GALNT14: variants seen among roughly 807,000 people sequenced by gnomAD.
GALNT14 encodes the protein UDP-GalNAc:polypeptide N-acetylgalactosaminyltransferase 14.
In GALNT14, 60 loss-of-function variants were observed where a neutral mutation model predicts 77.5. The observed-to-expected ratio is 0.77, with a 90% CI of 0.63 to 0.96. The LOEUF (loss-of-function observed/expected upper bound fraction) is 0.96, where lower values mean the gene tolerates loss of function less well. Among genes scored for constraint, GALNT14 ranks in the 40% least tolerant of loss-of-function variants. The probability of loss-of-function intolerance (pLI) is 0.00; values close to 1 mark genes in which losing one functional copy is unlikely to be tolerated. For missense variants in GALNT14, 710 were observed against 731.0 expected (o/e 0.97, Z 0.33); for synonymous variants, 280 against 281.7 (o/e 0.99, Z 0.06).
intron 9 of GALNT14, among the ~76,000 whole-genome samples, chr2:30,935,002 C>T (rs1665964363): frequency 6.6e-6 from 1 of 152,194 alleles, no homozygotes; most frequent in Non-Finnish European, 1.5e-5. Flanking sequence ...CTTCCTCCTT[C>T]TAATTTTCTT....
At position 31,038,747 on chromosome 2, in the gene GALNT14, A is replaced by T. The variant is rs979950970; in HGVS notation, c.130-45740T>A. Among the ~76,000 whole-genome samples the T allele has an allele frequency of 1.0e-4, 15 of 144,000 alleles. No individual in the cohort carries two copies. The East Asian group carries it at 2.5e-3, about 24-fold the overall frequency. The allele number at this position is 144,000 out of a possible 152,430, so 94.5% of individuals were successfully genotyped here. On this transcript the variant is annotated intron_variant, in intron 1 of 14. Coordinates refer to ENST00000349752, the MANE Select transcript of GALNT14 (RefSeq NM_024572.4). ...TCTTTATTCTTAGTGAGATTCAGCAATTTTTTTTTTTTTTTTGAGACAGAG... is the reference window on the plus strand; with the variant it reads ...TCTTTATTCTTAGTGAGATTCAGCATTTTTTTTTTTTTTTTTGAGACAGAG...
intron 10 of GALNT14, among the ~76,000 whole-genome samples, chr2:30,929,999 G>A (rs965061103): frequency 2.6e-5 from 4 of 152,248 alleles, no homozygotes; most frequent in African/African-American, 9.6e-5. Context: ...GTGGCATCAT[G>A]TGGGTGCTCA....
chr2:30,997,223 G>T (rs1383121219), intron 1 of GALNT14, among the ~76,000 whole-genome samples: 1 of 152,124 alleles, frequency 6.6e-6, no homozygotes, highest in Middle Eastern at 3.2e-3. Flanking sequence ...AAGACCCTGG[G>T]AGTTGGCTTC....
intron 1 of GALNT14, among the ~76,000 whole-genome samples, chr2:30,997,336 C>G (rs1050921649): frequency 2.6e-5 from 4 of 152,192 alleles, no homozygotes; most frequent in Non-Finnish European, 5.9e-5. Flanking sequence ...CACAGGACAC[C>G]AGCCTCCTCC....
chr2:30,994,689 G>A (rs377573023), intron 1 of GALNT14, among the ~76,000 whole-genome samples: 20 of 152,090 alleles, frequency 1.3e-4, no homozygotes, highest in African/African-American at 4.3e-4. Context: ...ATCACCCCAC[G>A]GTAACCTTGA....
intron 1 of GALNT14, among the ~76,000 whole-genome samples, chr2:31,037,247 A>G (rs918622648): frequency 6.6e-6 from 1 of 152,150 alleles, no homozygotes; most frequent in East Asian, 1.9e-4. Context: ...TCTTCTGTCA[A>G]TTTAAATCTG....
chr2:30,957,429 C>T (rs1667432676), intron 4 of GALNT14, among the ~76,000 whole-genome samples: 1 of 152,080 alleles, frequency 6.6e-6, no homozygotes, highest in South Asian at 2.1e-4. Flanking sequence ...TCCAGCAGCA[C>T]TCTCTTCTCT....
At chr2:31,100,132 T>C (rs757536694) in intron 1 of GALNT14, among the ~76,000 whole-genome samples, 7 of 152,064 alleles carry the variant, frequency 4.6e-5, no homozygotes, top group Non-Finnish European at 1.0e-4. Flanking sequence ...TTGTAAGTGA[T>C]GGCTCTTCCT....
intron 1 of GALNT14, among the ~76,000 whole-genome samples, chr2:31,077,240 A>G (rs17010685): frequency 0.032 from 4,875 of 152,296 alleles, 242 homozygotes; most frequent in East Asian, 0.25. Context: ...GAGTATTCCA[A>G]TGAAGGAGAG....
At chr2:31,025,432 G>A (rs1428263266) in intron 1 of GALNT14, among the ~76,000 whole-genome samples, 2 of 152,194 alleles carry the variant, frequency 1.3e-5, no homozygotes, top group Non-Finnish European at 2.9e-5. Flanking sequence ...TAGGGAGATG[G>A]ATGGGGAGAG....
the GALNT14 span, among the ~76,000 whole-genome samples, chr2:30,898,394 C>G: frequency 4.3e-4 from 66 of 152,284 alleles, no homozygotes; most frequent in African/African-American, 1.4e-3. Flanking sequence ...TTAATCCTCA[C>G]GATGAACTAC....
At chr2:31,069,799 C>G (rs1675227044) in intron 1 of GALNT14, among the ~76,000 whole-genome samples, 1 of 152,138 alleles carries the variant, frequency 6.6e-6, no homozygotes, top group African/African-American at 2.4e-5. Flanking sequence ...AATGACTGTC[C>G]ACTGTTGTGT....
intron 2 of GALNT14, among the ~76,000 whole-genome samples, chr2:30,969,214 C>T (rs1302070192): frequency 6.6e-6 from 1 of 152,212 alleles, no homozygotes; most frequent in Non-Finnish European, 1.5e-5. Flanking sequence ...CAGCAGCCTG[C>T]CACCACCAGG....
chr2:31,080,810 G>C (rs561895910), intron 1 of GALNT14, among the ~76,000 whole-genome samples: 2 of 152,304 alleles, frequency 1.3e-5, no homozygotes, highest in Non-Finnish European at 2.9e-5. Flanking sequence ...TAGGGGAAAT[G>C]CACTTACGTT....
chr2:30,926,270 GGAGGGATTCAAGGATGGGAAAGAGAAGGA>G (rs1356418019), intron 11 of GALNT14, among the ~76,000 whole-genome samples: 4 of 152,168 alleles, frequency 2.6e-5, no homozygotes, highest in Non-Finnish European at 4.4e-5. Context: ...AAAGAGAAGG[GGAGGGATTCAAGGATGGGAAAGAGAAGGA>G]GAGGGATTCA....
chr2:31,019,288 C>T (rs1351069026), intron 1 of GALNT14, among the ~76,000 whole-genome samples: 1 of 152,124 alleles, frequency 6.6e-6, no homozygotes, highest in Non-Finnish European at 1.5e-5. Flanking sequence ...AATTTAAATT[C>T]CAGCTTGGGT....
At chr2:31,066,942 C>T (rs933516363) in intron 1 of GALNT14, among the ~76,000 whole-genome samples, 10 of 152,160 alleles carry the variant, frequency 6.6e-5, no homozygotes, top group African/African-American at 2.4e-4. Context: ...ACCCACCTAC[C>T]TCACCCCGAC....
chr2:31,018,448 G>A (rs2148455524), intron 1 of GALNT14, among the ~76,000 whole-genome samples: 1 of 152,320 alleles, frequency 6.6e-6, no homozygotes, highest in South Asian at 2.1e-4. Flanking sequence ...GCAGGTGACA[G>A]AGAGTGGTAG....
intron 1 of GALNT14, among the ~76,000 whole-genome samples, chr2:31,121,449 A>G (rs1178831541): frequency 6.6e-6 from 1 of 152,244 alleles, no homozygotes; most frequent in Non-Finnish European, 1.5e-5. Flanking sequence ...TAAAACCCTT[A>G]AACCCAAAAC....
Sources: allele counts gnomAD v4.1 joint callset (sites outside exome capture counted in the v4.1 genomes callset), GRCh38; gene constraint gnomAD v4.1.1; transcripts MANE v1.5; gene names NCBI Gene and HGNC (gene_info 2026-07-23, HGNC 2026-07-21).